LAMP1: variants seen among roughly 807,000 people sequenced by gnomAD.
The protein encoded by LAMP1 is lysosome-associated membrane glycoprotein 1.
In LAMP1, 7 loss-of-function variants were observed where a neutral mutation model predicts 37.5. That is an observed-to-expected ratio of 0.19 (90% CI 0.11 to 0.35). The LOEUF (loss-of-function observed/expected upper bound fraction) is 0.35, where lower values mean the gene tolerates loss of function less well. Ranked by LOEUF, LAMP1 falls within the 10% of genes least tolerant of loss-of-function variation. LAMP1 has a pLI of 1.00. For missense variants in LAMP1, 537 were observed against 552.8 expected (o/e 0.97, Z 0.29); for synonymous variants, 236 against 229.1 (o/e 1.03, Z -0.27).
chr13:113,321,794 T>C lies in LAMP1; in HGVS notation c.1114+67T>C, dbSNP rs1214434507. The C allele has an allele frequency of 3.3e-6, 5 of 1,504,580 alleles. No homozygotes were observed. The African/African-American group carries it at 6.9e-5, about 21-fold the overall frequency. 93.2% of individuals were successfully genotyped at this position (1,504,580 alleles called of 1,614,324 possible). On this transcript the variant is annotated intron_variant, in intron 8 of 8. Transcript: ENST00000332556. This position sits in a 1 kb window ranked among gnomAD's most constrained non-coding sequence, Gnocchi z 5.6. ...GTGCTTCAGACTCCGCCTGTGGACG[T>C]TTAGTCGCTTCCGTGTGGGCTGGGG...
At chr13:113,300,774 T>A (rs1035047002) in intron 1 of LAMP1, among the ~76,000 whole-genome samples, 1 of 152,168 alleles carries the variant, frequency 6.6e-6, no homozygotes, top group Non-Finnish European at 1.5e-5. Flanking sequence ...GCCGAGATCG[T>A]GCCACTGCTC....
intron 4 of LAMP1, among the ~76,000 whole-genome samples, chr13:113,318,360 C>T (rs537863080): frequency 1.3e-5 from 2 of 152,326 alleles, no homozygotes; most frequent in Admixed American, 1.3e-4. Flanking sequence ...AGATTCCCTG[C>T]AGGGTTGCCC....
chr13:113,320,423 G>A lies in LAMP1; in HGVS notation c.829G>A (p.Glu277Lys). The A allele has an allele frequency of 1.2e-6, 2 of 1,612,096 alleles. No individual in the cohort carries two copies. Among genetic ancestry groups the A allele is most frequent in the South Asian group, 1.1e-5 (1 of 91,078 alleles). The change falls in exon 6 of 9, where the codon GAG becomes AAG. Residue 277 changes from glutamate to lysine, a missense_variant. Coordinates refer to ENST00000332556, the MANE Select transcript of LAMP1 (RefSeq NM_005561.4). This position sits in a 1 kb window ranked among gnomAD's most constrained non-coding sequence, Gnocchi z 4.4. ...GSCGAHLVTL[E>K]LHSEGTTVLL... ...CTGCGGCGCCCACCTGGTGACTCTG[G>A]AGCTGCACAGCGAGGGCACCACCGT...
chr13:113,312,271 C>A (rs749085754), intron 4 of LAMP1, among the ~76,000 whole-genome samples: 5 of 152,140 alleles, frequency 3.3e-5, no homozygotes, highest in Non-Finnish European at 4.4e-5. Context: ...ATGTAACATA[C>A]CAAAAATCAG....
intron 4 of LAMP1, among the ~76,000 whole-genome samples, chr13:113,318,839 C>T (rs556298982): frequency 3.3e-5 from 5 of 152,316 alleles, no homozygotes; most frequent in African/African-American, 9.6e-5. Context: ...TAGCCTTGCC[C>T]GCCTTTGAGT....
chr13:113,322,416 A>G lies in LAMP1; in HGVS notation c.1249A>G (p.Ile417Val), dbSNP rs753197971. 3.1e-6 allele frequency: 5 copies of G among 1,609,882 alleles called. No individual in the cohort carries two copies. The highest frequency in any genetic ancestry group is 1.7e-5 in the Admixed American group (1 of 59,834). Residue 417 changes from isoleucine (I) to valine (V), a missense_variant, in exon 9 of 9, where the codon ATC becomes GTC. Ile to Val is a conservative substitution (Grantham distance 29). Transcript: ENST00000332556. ...RKRSHAGYQT[I>V] The stretch of plus-strand genomic sequence containing the variant: ...GAGGAGTCACGCAGGCTACCAGACT[A>G]TCTAGCCTGGTGCACGCAGGCACAG...
intron 4 of LAMP1, among the ~76,000 whole-genome samples, chr13:113,318,430 C>A (rs546084227): frequency 6.6e-6 from 1 of 152,010 alleles, no homozygotes; most frequent in African/African-American, 2.4e-5. Flanking sequence ...TGGAAAGGAT[C>A]GAATTGGGTG....
intron 1 of LAMP1, among the ~76,000 whole-genome samples, chr13:113,303,127 G>T (rs372453134): frequency 6.6e-6 from 1 of 152,198 alleles, no homozygotes; most frequent in African/African-American, 2.4e-5. Context: ...CAGCTGCTCC[G>T]ACAGCCCTGA....
At chr13:113,308,734 A>G (rs940915035) in intron 2 of LAMP1, among the ~76,000 whole-genome samples, 3 of 152,176 alleles carry the variant, frequency 2.0e-5, no homozygotes, top group African/African-American at 7.2e-5. Flanking sequence ...GAGGTCACCT[A>G]TATGCTGTTA....
At chr13:113,310,068 A>G (rs906263230) in intron 3 of LAMP1, among the ~76,000 whole-genome samples, 1 of 151,994 alleles carries the variant, frequency 6.6e-6, no homozygotes, top group East Asian at 1.9e-4. Flanking sequence ...GTCTCTACTA[A>G]AAATACTAAA....
At chr13:113,316,567 C>T (rs1168581828) in intron 4 of LAMP1, among the ~76,000 whole-genome samples, 4 of 151,946 alleles carry the variant, frequency 2.6e-5, no homozygotes, top group African/African-American at 7.3e-5. Context: ...GGACTGTAGG[C>T]GCCCGCCACC....
chr13:113,319,068 A>C (rs1342421900), intron 4 of LAMP1, among the ~76,000 whole-genome samples: 1 of 152,210 alleles, frequency 6.6e-6, no homozygotes, highest in Non-Finnish European at 1.5e-5. Flanking sequence ...GTGGCCGGCC[A>C]CGCAGCACAG....
intron 1 of LAMP1, among the ~76,000 whole-genome samples, chr13:113,300,576 G>A (rs983866484): frequency 2.0e-5 from 3 of 152,062 alleles, no homozygotes; most frequent in South Asian, 4.1e-4. Context: ...GGAGGCTGAG[G>A]CAGGCCGATC....
intron 1 of LAMP1, among the ~76,000 whole-genome samples, chr13:113,304,640 G>A (rs751466383): frequency 5.3e-5 from 8 of 151,840 alleles, no homozygotes; most frequent in African/African-American, 7.2e-5. Flanking sequence ...TTTCATTGTC[G>A]TGTAGCACCT....
chr13:113,301,643 AAATATATATATATATATATATATATAT>A (rs1203215738), intron 1 of LAMP1, among the ~76,000 whole-genome samples: 1,537 of 4,848 alleles, frequency 0.32, 101 homozygotes, highest in South Asian at 0.52. Context: ...AAAAAAAAAA[AAATATATATATATATATATATATATAT>A]ATATATATAT....
rs2042702442 is a variant in LAMP1, at chr13:113,321,828, CT to C, written c.1114+102del. ...TTCCGTGTGGGCTGGGGCGACGCCCCTGTTCCTCTGCAAGGAGCTGTTTCTT... is the reference window on the plus strand; with the variant it reads ...TTCCGTGTGGGCTGGGGCGACGCCCCGTTCCTCTGCAAGGAGCTGTTTCTT... On this transcript the variant is annotated intron_variant, in intron 8 of 8. Transcript: ENST00000332556. The surrounding 1 kb of genome is among the most constrained non-coding windows in gnomAD (Gnocchi z 5.6). 2 of 1,175,872 alleles carry C rather than the reference CT, an allele frequency of 1.7e-6. No individual in the cohort carries two copies. The highest frequency in any genetic ancestry group is 2.4e-6 in the Non-Finnish European group (2 of 825,074). The allele number at this position is 1,175,872 out of a possible 1,614,324, so 72.8% of individuals were successfully genotyped here.
At position 113,301,637 on chromosome 13, in the gene LAMP1, AAAAAAAAATATATAT is replaced by A. The variant is rs1201328724; in HGVS notation, c.61+4144_61+4158del. Among the ~76,000 whole-genome samples, 37 of 26,150 alleles carry A rather than the reference AAAAAAAAATATATAT, an allele frequency of 1.4e-3. 3 individuals are homozygous for A. The highest frequency in any genetic ancestry group is 4.0e-3 in the African/African-American group (37 of 9,238). 17.2% of individuals were successfully genotyped at this position (26,150 alleles called of 152,430 possible). On this transcript the variant is annotated intron_variant, in intron 1 of 8. Transcript: ENST00000332556. ...GACTCTGTTTCCATTTAAAAAAAAA[AAAAAAAAATATATAT>A]ATATATATATATATATATATATATA...
At position 113,297,442 on chromosome 13, in the gene LAMP1, C is replaced by G; in HGVS notation, c.8C>G (p.Ala3Gly). 1 of 1,057,592 alleles carries G rather than the reference C, an allele frequency of 9.5e-7. No homozygotes were observed. Among genetic ancestry groups the G allele is most frequent in the Non-Finnish European group, 1.2e-6 (1 of 823,640 alleles). The allele number at this position is 1,057,592 out of a possible 1,614,324, so 65.5% of individuals were successfully genotyped here. The change falls in exon 1 of 9, where the codon GCC (alanine) becomes GGC (glycine). Residue 3 changes from alanine (A) to glycine (G), a missense_variant. Physicochemically the swap from Ala to Gly is moderately conservative, Grantham distance 60 (BLOSUM62 0). Transcript: ENST00000332556. The surrounding 1 kb of genome is among the most constrained non-coding windows in gnomAD (Gnocchi z 4.4). Reference protein sequence around the residue: MAAPGSARRPLLL... With the variant: MAGPGSARRPLLL... ...ACCCGGCCGCCTCGCGCCATGGCGG[C>G]CCCCGGCAGCGCCCGGCGACCCCTG...
chr13:113,321,739 C>T lies in LAMP1; in HGVS notation c.1114+12C>T, dbSNP rs200458014. On this transcript the variant is annotated intron_variant, in intron 8 of 8. Coordinates refer to ENST00000332556, the MANE Select transcript of LAMP1 (RefSeq NM_005561.4). This position sits in a 1 kb window ranked among gnomAD's most constrained non-coding sequence, Gnocchi z 5.6. ...CCAGTTTGGCTCTGGTGAGTGTCAC[C>T]GAGGGCAGCTGTCGCGGGGTGTGGA... The T allele has an allele frequency of 8.2e-4, 1,329 of 1,612,992 alleles. 9 individuals are homozygous for T. The highest frequency in any genetic ancestry group is 6.8e-3 in the South Asian group (618 of 91,066).
Sources: allele counts gnomAD v4.1 joint callset (sites outside exome capture counted in the v4.1 genomes callset), GRCh38; gene constraint gnomAD v4.1.1; non-coding constraint Gnocchi (gnomAD v3.1); transcripts MANE v1.5; gene names NCBI Gene and HGNC (gene_info 2026-07-23, HGNC 2026-07-21).